Variants in ASCC3 observed in about 807,000 individuals in gnomAD.
ASCC3 encodes the protein ASC-1 complex subunit P200.
In ASCC3, 158 loss-of-function variants were observed where a neutral mutation model predicts 256.3. The observed-to-expected ratio is 0.62, with a 90% CI of 0.54 to 0.70. The LOEUF (loss-of-function observed/expected upper bound fraction) is 0.70, where lower values mean the gene tolerates loss of function less well. Ranked by LOEUF, ASCC3 falls within the 30% of genes least tolerant of loss-of-function variation. The pLI is 0.00. For missense variants in ASCC3, 2,259 were observed against 2,626.0 expected (o/e 0.86, Z 3.05); for synonymous variants, 948 against 883.4 (o/e 1.07, Z -1.30).
At chr6:100,803,260 T>G (rs947735176) in intron 5 of ASCC3, among the ~76,000 whole-genome samples, 2 of 152,024 alleles carry the variant, frequency 1.3e-5, no homozygotes, top group African/African-American at 4.8e-5. Flanking sequence ...TGAATTGTAA[T>G]CCCCATAATC....
chr6:100,662,005 C>G lies in ASCC3; in HGVS notation c.2504G>C (p.Arg835Thr). Residue 835 changes from arginine (R) to threonine (T), a missense_variant, in exon 16 of 42, where the codon AGA becomes ACA. Physicochemically the swap from Arg to Thr is moderately conservative, Grantham distance 71. Around this residue, in one of 2 missense-constraint regions of ASCC3, gnomAD observed 1,839 missense variants for 2,206.7 expected, o/e 0.83. Transcript: ENST00000369162. ...AATTCCAAGGTCAACAAAGGAGCCTCTTTTTGCAGCATATATTTGTGTTCC... is the reference window on the plus strand; with the variant it reads ...AATTCCAAGGTCAACAAAGGAGCCTGTTTTTGCAGCATATATTTGTGTTCC... ...IKGTQIYAAK[R>T]GSFVDLGILD... 3 of 1,613,194 alleles carry G rather than the reference C, an allele frequency of 1.9e-6. No homozygotes were observed. Among genetic ancestry groups the G allele is most frequent in the Non-Finnish European group, 2.5e-6 (3 of 1,179,412 alleles).
At chr6:100,673,019 T>C (rs1412744659) in intron 14 of ASCC3, among the ~76,000 whole-genome samples, 1 of 152,090 alleles carries the variant, frequency 6.6e-6, no homozygotes, top group Admixed American at 6.6e-5. Flanking sequence ...TCCCAATAAC[T>C]AATTTCCATA....
chr6:100,727,502 A>G (rs1779692067), intron 10 of ASCC3, among the ~76,000 whole-genome samples: 1 of 152,000 alleles, frequency 6.6e-6, no homozygotes, highest in Non-Finnish European at 1.5e-5. Flanking sequence ...GAATTAATCT[A>G]ATGCTCCTTG....
intron 13 of ASCC3, among the ~76,000 whole-genome samples, chr6:100,703,532 T>C (rs1026025672): frequency 6.6e-6 from 1 of 152,014 alleles, no homozygotes; most frequent in Non-Finnish European, 1.5e-5. Flanking sequence ...TCTAGCAGCT[T>C]ACGGTGCTAA....
chr6:100,793,787 T>C (rs1769468237), intron 8 of ASCC3, among the ~76,000 whole-genome samples: 1 of 151,530 alleles, frequency 6.6e-6, no homozygotes, highest in African/African-American at 2.4e-5. Flanking sequence ...GTCTGGCAGA[T>C]AGAATGTGGG....
intron 25 of ASCC3, among the ~76,000 whole-genome samples, chr6:100,636,600 T>C (rs955392446): frequency 1.3e-5 from 2 of 152,170 alleles, no homozygotes; most frequent in Non-Finnish European, 2.9e-5. Flanking sequence ...GAGGAAGGCA[T>C]GTCGAAAGCT....
Position 100,638,648 on chromosome 6 carries a change from C to T in ASCC3, c.4075G>A (p.Ala1359Thr). The change falls in exon 25 of 42, where the codon GCT (alanine) becomes ACT (threonine). Residue 1359 changes from alanine to threonine, a missense_variant. This residue lies in a region of ASCC3 where 1,839 missense variants were observed against 2,206.7 expected (regional missense o/e 0.83). Coordinates refer to ENST00000369162, the MANE Select transcript of ASCC3 (RefSeq NM_006828.4). ...AAGACTCTGAAAATGGCTAATTCAG[C>T]TGCAACAGTCTTTCCCGATCCAGTA... Reference protein sequence around the residue: ...APTGSGKTVAAELAIFRVFNK... With the variant: ...APTGSGKTVATELAIFRVFNK... 6 of 1,613,924 alleles carry T rather than the reference C, an allele frequency of 3.7e-6. No homozygotes were observed. Among genetic ancestry groups the T allele is most frequent in the Non-Finnish European group, 4.2e-6 (5 of 1,179,850 alleles).
chr6:100,830,099 T>A (rs1771549551), intron 4 of ASCC3, among the ~76,000 whole-genome samples: 1 of 152,040 alleles, frequency 6.6e-6, no homozygotes, highest in Non-Finnish European at 1.5e-5. Flanking sequence ...CTGGAACTTA[T>A]AATTTAATAT....
At chr6:100,594,929 G>C (rs1248165532) in intron 34 of ASCC3, among the ~76,000 whole-genome samples, 4 of 152,084 alleles carry the variant, frequency 2.6e-5, no homozygotes, top group Non-Finnish European at 5.9e-5. Context: ...TTATGCCATT[G>C]AAATAAGGTA....
intron 36 of ASCC3, among the ~76,000 whole-genome samples, chr6:100,558,102 G>C (rs1769713673): frequency 6.7e-6 from 1 of 150,326 alleles, no homozygotes; most frequent in Admixed American, 6.6e-5. Flanking sequence ...AGGAAGAAAT[G>C]TTCATATTTT....
Position 100,864,635 on chromosome 6 carries a change from C to T in ASCC3, c.91-421G>A, listed in dbSNP as rs760632444. Reference sequence around the variant, plus strand: ...CTTTATGTCATGCTTTTTAATGAAACGCATTTATGGAAAATTAGACTCCCA... The same window carrying T: ...CTTTATGTCATGCTTTTTAATGAAATGCATTTATGGAAAATTAGACTCCCA... On this transcript the variant is annotated intron_variant, in intron 2 of 41. Coordinates refer to ENST00000369162, the MANE Select transcript of ASCC3 (RefSeq NM_006828.4). Among the ~76,000 whole-genome samples, 102 of 152,148 alleles carry T rather than the reference C, an allele frequency of 6.7e-4. 1 individual carries two copies. The highest frequency in any genetic ancestry group is 4.8e-3 in the South Asian group (23 of 4,812).
chr6:100,601,361 C>T (rs1562154412), intron 34 of ASCC3, among the ~76,000 whole-genome samples: 1 of 152,078 alleles, frequency 6.6e-6, no homozygotes, highest in Non-Finnish European at 1.5e-5. Context: ...ATCTAACATA[C>T]TGTCTGGAGT....
chr6:100,715,338 T>G, intron 13 of ASCC3, 124 bp downstream of exon 13: 2 of 767,028 alleles, frequency 2.6e-6, no homozygotes, highest in South Asian at 1.6e-5. Context: ...TTAGAACCTC[T>G]GAGTCATTGC....
chr6:100,580,992 T>C (rs1304567931), intron 36 of ASCC3, among the ~76,000 whole-genome samples: 3 of 152,172 alleles, frequency 2.0e-5, no homozygotes, highest in African/African-American at 2.4e-5. Context: ...TGTTGGACAT[T>C]TGGCTTGGTT....
At chr6:100,819,478 T>C (rs1409436012) in intron 4 of ASCC3, among the ~76,000 whole-genome samples, 1 of 152,118 alleles carries the variant, frequency 6.6e-6, no homozygotes, top group African/African-American at 2.4e-5. Flanking sequence ...GTCTGCAAGC[T>C]GAGAGCAAGG....
chr6:100,817,262 T>TA (rs536860601), intron 4 of ASCC3, among the ~76,000 whole-genome samples: 29 of 151,896 alleles, frequency 1.9e-4, no homozygotes, highest in Admixed American at 6.6e-4. Context: ...GAACAAAACT[T>TA]ACGGGATTAG....
At chr6:100,642,846 A>C (rs1372962171) in intron 23 of ASCC3, 97 bp from the exon 24 acceptor site, 1 of 1,125,160 alleles carries the variant, frequency 8.9e-7, no homozygotes, top group Non-Finnish European at 1.3e-6. Flanking sequence ...TACAAGATAT[A>C]CTAAAGACAA....
chr6:100,559,354 A>C (rs1377730285), intron 36 of ASCC3, among the ~76,000 whole-genome samples: 1 of 152,226 alleles, frequency 6.6e-6, no homozygotes, highest in Admixed American at 6.5e-5. Flanking sequence ...TCAAAACAAA[A>C]GTAAAGGTAA....
rs191156848 is a variant in ASCC3 at position 100,769,624 on chromosome 6, A to G, written c.1396-2279T>C. Among the ~76,000 whole-genome samples the G allele has an allele frequency of 4.5e-4, 68 of 151,976 alleles. 1 individual carries two copies. The highest frequency in any genetic ancestry group is 3.4e-3 in the Middle Eastern group (1 of 294). ...AAACCAAAGCAGAATAAAGGAAATA[A>G]TTATAAAGATCAATGAAACAAAAAA... On this transcript the variant is annotated intron_variant, in intron 8 of 41. Coordinates refer to ENST00000369162, the MANE Select transcript of ASCC3 (RefSeq NM_006828.4).
Sources: gnomAD v4.1 joint callset for allele counts (sites outside exome capture counted in the v4.1 genomes callset) on GRCh38, gnomAD v4.1.1 for gene constraint, gnomAD v4.1.1 regional missense constraint, MANE v1.5 for transcripts, NCBI Gene and HGNC (gene_info 2026-07-23, HGNC 2026-07-21) for gene names.